The following TNNI3K variants were observed in gnomAD, a reference collection of about 807,000 sequenced individuals.
TNNI3K encodes the protein serine/threonine-protein kinase TNNI3K.
Under a neutral mutation model 114.5 loss-of-function variants are expected in TNNI3K, and 140 were observed. The ratio of observed to expected loss-of-function variants is 1.22; its 90% CI spans 1.07 to 1.41. The LOEUF (loss-of-function observed/expected upper bound fraction) is 1.41. Ranked by LOEUF, TNNI3K falls within the 40% of genes most tolerant of loss-of-function variation. TNNI3K has a pLI of 0.00. For missense variants in TNNI3K, 1,125 were observed against 1,007.6 expected (o/e 1.12, Z -1.58); for synonymous variants, 347 against 347.5 (o/e 1.00, Z 0.02).
intron 23 of TNNI3K, among the ~76,000 whole-genome samples, chr1:74,502,707 C>T (rs778020126): frequency 3.9e-5 from 6 of 152,184 alleles, no homozygotes; most frequent in Non-Finnish European, 5.9e-5. Flanking sequence ...TTTCCCTTCT[C>T]ACTCTAACTC....
At chr1:74,518,768 T>C (rs1646385285) in intron 23 of TNNI3K, among the ~76,000 whole-genome samples, 1 of 152,104 alleles carries the variant, frequency 6.6e-6, no homozygotes, top group Admixed American at 6.6e-5. Context: ...AAAGGGTGTG[T>C]TTTTAAAACA....
intron 2 of TNNI3K, among the ~76,000 whole-genome samples, chr1:74,245,598 A>C (rs906315061): frequency 1.3e-5 from 2 of 152,234 alleles, no homozygotes; most frequent in Non-Finnish European, 2.9e-5. Context: ...CTTGTAAAGT[A>C]CTTACACTTG....
At chr1:74,375,277 ACTTTG>A (rs1662848788) in intron 17 of TNNI3K, 1 of 159,516 alleles carries the variant, frequency 6.3e-6, no homozygotes, top group African/African-American at 2.4e-5. Context: ...ACTTGACTCC[ACTTTG>A]CTTCTAACCT....
chr1:74,508,538 A>G (rs569362115), intron 23 of TNNI3K, among the ~76,000 whole-genome samples: 2 of 152,324 alleles, frequency 1.3e-5, no homozygotes, highest in African/African-American at 4.8e-5. Context: ...TCCACAAAAG[A>G]CAGAGAGAAA....
intron 23 of TNNI3K, among the ~76,000 whole-genome samples, chr1:74,516,707 C>CA (rs1211732271): frequency 6.6e-6 from 1 of 152,112 alleles, no homozygotes; most frequent in African/African-American, 2.4e-5. Context: ...TTGAGGATGG[C>CA]TTGTATATTC....
At chr1:74,330,504 T>TG (rs2100409926) in intron 5 of TNNI3K, among the ~76,000 whole-genome samples, 2 of 152,300 alleles carry the variant, frequency 1.3e-5, no homozygotes, top group Non-Finnish European at 2.9e-5. Context: ...GTCTTATTAC[T>TG]GCTCTACAAA....
chr1:74,404,594 G>A (rs1418845993), intron 17 of TNNI3K, among the ~76,000 whole-genome samples: 2 of 152,170 alleles, frequency 1.3e-5, no homozygotes, highest in Non-Finnish European at 2.9e-5. Context: ...GTACGTATTA[G>A]TTGGGGCCAA....
In TNNI3K at chr1:74,520,470, G is replaced by A. The variant is rs138667261; in HGVS notation, c.2352-19764G>A. Among the ~76,000 whole-genome samples, 58 of 151,938 alleles carry A rather than the reference G, an allele frequency of 3.8e-4. 1 individual carries two copies. The East Asian group carries it at 0.011, about 28-fold the overall frequency. ...TGGAGAAATCGACCTTCTCATTTCT[G>A]AGGCCCATCCATCCATCTGTTTCCC... On this transcript the variant is annotated intron_variant, in intron 23 of 24. Transcript: ENST00000326637.
intron 23 of TNNI3K, among the ~76,000 whole-genome samples, chr1:74,512,765 C>T (rs759098287): frequency 8.5e-5 from 13 of 152,172 alleles, no homozygotes; most frequent in South Asian, 2.1e-4. Context: ...CTACCACTGA[C>T]GGGTTGCTAT....
At chr1:74,435,129 G>A (rs1666064960) in intron 17 of TNNI3K, among the ~76,000 whole-genome samples, 1 of 151,982 alleles carries the variant, frequency 6.6e-6, no homozygotes, top group African/African-American at 2.4e-5. Flanking sequence ...GGGCATCAAA[G>A]ACATATGGTA....
intron 21 of TNNI3K, among the ~76,000 whole-genome samples, chr1:74,467,292 C>G (rs919361896): frequency 3.3e-5 from 5 of 151,852 alleles, no homozygotes; most frequent in African/African-American, 1.2e-4. Context: ...ACACTAACAT[C>G]ATGCTATTCT....
chr1:74,262,120 A>G (rs1404897451), intron 4 of TNNI3K, among the ~76,000 whole-genome samples: 1 of 152,074 alleles, frequency 6.6e-6, no homozygotes, highest in East Asian at 1.9e-4. Context: ...AACTATCCTG[A>G]AACTAAAGAC....
At chr1:74,432,309 A>G (rs1231036682) in intron 17 of TNNI3K, among the ~76,000 whole-genome samples, 1 of 152,142 alleles carries the variant, frequency 6.6e-6, no homozygotes, top group Non-Finnish European at 1.5e-5. Context: ...ATGCTCATGA[A>G]TATGCTCTGC....
intron 5 of TNNI3K, among the ~76,000 whole-genome samples, chr1:74,299,816 G>A (rs45504695): frequency 0.016 from 2,394 of 152,084 alleles, 60 homozygotes; most frequent in African/African-American, 0.053. Flanking sequence ...GACAGGCAGT[G>A]GCTCTTTTAT....
chr1:74,537,014 A>G (rs909102835), intron 23 of TNNI3K, among the ~76,000 whole-genome samples: 3 of 152,180 alleles, frequency 2.0e-5, no homozygotes, highest in Admixed American at 1.3e-4. Flanking sequence ...TTGACCTGGC[A>G]TGGGTAGCTT....
chr1:74,338,551 G>A (rs925187036), intron 7 of TNNI3K, among the ~76,000 whole-genome samples: 1 of 151,650 alleles, frequency 6.6e-6, no homozygotes, highest in African/African-American at 2.4e-5. Flanking sequence ...AAGAACTGCT[G>A]GCCTTTGCAG....
At chr1:74,496,478 G>C (rs1334046312) in intron 23 of TNNI3K, among the ~76,000 whole-genome samples, 3 of 152,074 alleles carry the variant, frequency 2.0e-5, no homozygotes, top group Non-Finnish European at 4.4e-5. Context: ...TGGATGTGGG[G>C]ACACCTCAAC....
At chr1:74,319,599 G>T (rs1659499184) in intron 5 of TNNI3K, among the ~76,000 whole-genome samples, 1 of 152,072 alleles carries the variant, frequency 6.6e-6, no homozygotes, top group Non-Finnish European at 1.5e-5. Context: ...TCATGTTTTG[G>T]CCTCATCTTC....
At chr1:74,391,954 A>ATTTTTTTT (rs1557539031) in intron 17 of TNNI3K, among the ~76,000 whole-genome samples, 4 of 93,260 alleles carry the variant, frequency 4.3e-5, no homozygotes, top group South Asian at 3.1e-4. Flanking sequence ...GGTACAGCTT[A>ATTTTTTTT]TTATTTTTTT....
Sources: allele counts gnomAD v4.1 joint callset (sites outside exome capture counted in the v4.1 genomes callset), GRCh38; gene constraint gnomAD v4.1.1; transcripts MANE v1.5; gene names NCBI Gene and HGNC (gene_info 2026-07-23, HGNC 2026-07-21).